The following TSHZ2 variants were observed in gnomAD, a reference collection of about 807,000 sequenced individuals.
TSHZ2 encodes teashirt homolog 2.
Under a neutral mutation model 74.4 loss-of-function variants are expected in TSHZ2, and 21 were observed. The ratio of observed to expected loss-of-function variants is 0.28; its 90% CI spans 0.20 to 0.41. TSHZ2 has a LOEUF of 0.41. Ranked by LOEUF, TSHZ2 falls within the 10% of genes least tolerant of loss-of-function variation. The probability of loss-of-function intolerance (pLI) is 1.00; values close to 1 mark genes in which losing one functional copy is unlikely to be tolerated. For missense variants in TSHZ2, 1,244 were observed against 1,293.5 expected (o/e 0.96, Z 0.59); for synonymous variants, 540 against 515.3 (o/e 1.05, Z -0.65).
chr20:53,359,506 C>T (rs13036261), intron 2 of TSHZ2, among the ~76,000 whole-genome samples: 8,467 of 152,298 alleles, frequency 0.056, 268 homozygotes, highest in Non-Finnish European at 0.065. Context: ...CTGAAACTCA[C>T]ATTTAACTGG....
chr20:53,307,174 G>A (rs751854173), intron 2 of TSHZ2, among the ~76,000 whole-genome samples: 1 of 151,776 alleles, frequency 6.6e-6, no homozygotes, highest in Non-Finnish European at 1.5e-5. Context: ...GGAATGCAAC[G>A]CAATGCCACC....
chr20:52,977,454 ACACACAC>A (rs1387172873), intron 1 of TSHZ2, among the ~76,000 whole-genome samples: 3 of 143,508 alleles, frequency 2.1e-5, no homozygotes, highest in African/African-American at 7.9e-5. Flanking sequence ...ACACACACAC[ACACACAC>A]ACACACACGC....
chr20:53,349,651 C>CAAA (rs559107005), intron 2 of TSHZ2, among the ~76,000 whole-genome samples: 19 of 133,348 alleles, frequency 1.4e-4, no homozygotes, highest in African/African-American at 2.3e-4. Context: ...GACCCCACCT[C>CAAA]AAAAAAAAAA....
chr20:52,999,142 T>C (rs975149627), intron 1 of TSHZ2, among the ~76,000 whole-genome samples: 1 of 150,490 alleles, frequency 6.6e-6, no homozygotes, highest in Non-Finnish European at 1.5e-5. Context: ...CCAAGACCCA[T>C]GAGTCTGAGG....
At chr20:53,220,602 C>G (rs116079003) in intron 1 of TSHZ2, among the ~76,000 whole-genome samples, 1,576 of 152,272 alleles carry the variant, frequency 0.01, 35 homozygotes, top group African/African-American at 0.036. Flanking sequence ...TAAGACAGCA[C>G]AGCTGAGTCG....
At chr20:53,221,228 C>G (rs6063918) in intron 1 of TSHZ2, among the ~76,000 whole-genome samples, 3 of 152,020 alleles carry the variant, frequency 2.0e-5, no homozygotes, top group African/African-American at 7.2e-5. Context: ...AGGCCCCCCC[C>G]GCCATGTAGA....
intron 1 of TSHZ2, among the ~76,000 whole-genome samples, chr20:53,052,982 A>G (rs1327808551): frequency 1.3e-5 from 2 of 152,174 alleles, no homozygotes; most frequent in Non-Finnish European, 2.9e-5. Context: ...TATCTAATTT[A>G]GAACATCTTC....
At position 53,473,021 on chromosome 20, in the gene TSHZ2, C is replaced by G. The variant is rs144894570; in HGVS notation, c.*9-14123C>G. ...GGAGGGTCCTACGCCCACGGAGTCT[C>G]GCTGATTGCTAGCACAGCAGTCTGA... On this transcript the variant is annotated intron_variant, in intron 2 of 2. Coordinates refer to ENST00000371497, the MANE Select transcript of TSHZ2 (RefSeq NM_173485.6). Among the ~76,000 whole-genome samples, 448 of 151,628 alleles carry G rather than the reference C, an allele frequency of 3.0e-3. 5 individuals carry two copies. The East Asian group carries it at 0.041, about 14-fold the overall frequency.
intron 1 of TSHZ2, among the ~76,000 whole-genome samples, chr20:53,204,213 TACTATATCATCATATGATGATATG>T (rs1989092144): frequency 6.8e-6 from 1 of 147,260 alleles, no homozygotes; most frequent in African/African-American, 2.5e-5. Context: ...GATGATATGA[TACTATATCATCATATGATGATATG>T]ATACTATATC....
chr20:53,429,892 C>A (rs555963491), intron 2 of TSHZ2, among the ~76,000 whole-genome samples: 1 of 152,182 alleles, frequency 6.6e-6, no homozygotes, highest in Non-Finnish European at 1.5e-5. Flanking sequence ...TTGAATAATT[C>A]TCTGGGGTGG....
chr20:53,378,376 ATAATAG>A (rs1313659200), intron 2 of TSHZ2, among the ~76,000 whole-genome samples: 4 of 145,758 alleles, frequency 2.7e-5, no homozygotes, highest in African/African-American at 1.0e-4. Context: ...AATAATAATA[ATAATAG>A]AACCTAATGC....
intron 1 of TSHZ2, among the ~76,000 whole-genome samples, chr20:52,975,852 A>G (rs1478977049): frequency 1.3e-5 from 2 of 152,186 alleles, no homozygotes; most frequent in African/African-American, 2.4e-5. Context: ...GTCAGTTAAC[A>G]TCCAGGGAAG....
At chr20:53,084,711 C>G in intron 1 of TSHZ2, among the ~76,000 whole-genome samples, 1 of 128,346 alleles carries the variant, frequency 7.8e-6, no homozygotes, top group East Asian at 2.6e-4. Flanking sequence ...CTCTCCCTCT[C>G]TCCTTCCCTC....
intron 2 of TSHZ2, among the ~76,000 whole-genome samples, chr20:53,274,007 G>A (rs117259369): frequency 6.6e-6 from 1 of 152,280 alleles, no homozygotes; most frequent in Non-Finnish European, 1.5e-5. Context: ...GTGGCCGGGC[G>A]CAGTGACTCA....
chr20:53,188,036 T>C (rs1184961560), intron 1 of TSHZ2, among the ~76,000 whole-genome samples: 2 of 152,174 alleles, frequency 1.3e-5, no homozygotes, highest in Non-Finnish European at 1.5e-5. Context: ...GAACTGAAGG[T>C]ATTCGTGGGT....
At chr20:53,464,529 C>CA (rs1985497732) in intron 2 of TSHZ2, among the ~76,000 whole-genome samples, 1 of 152,162 alleles carries the variant, frequency 6.6e-6, no homozygotes, top group Admixed American at 6.5e-5. Flanking sequence ...GTGGTACAAC[C>CA]ATGGCTCCCT....
intron 1 of TSHZ2, among the ~76,000 whole-genome samples, chr20:53,099,766 G>A (rs1410287412): frequency 1.3e-5 from 2 of 152,174 alleles, no homozygotes; most frequent in Non-Finnish European, 2.9e-5. Flanking sequence ...TACGACAAGA[G>A]TATGGGGGAA....
At chr20:53,201,038 G>T (rs1433946970) in intron 1 of TSHZ2, among the ~76,000 whole-genome samples, 1 of 151,696 alleles carries the variant, frequency 6.6e-6, no homozygotes, top group Admixed American at 6.6e-5. Flanking sequence ...AAGAAAAAAA[G>T]AAATTGAGTC....
At chr20:53,433,443 CTGG>C (rs10554673) in intron 2 of TSHZ2, among the ~76,000 whole-genome samples, 113,245 of 151,558 alleles carry the variant, frequency 0.75, 43,211 homozygotes, top group African/African-American at 0.92. Context: ...AAGGCTGAGG[CTGG>C]TGGAGGATCG....
Sources: allele counts gnomAD v4.1 joint callset (sites outside exome capture counted in the v4.1 genomes callset), GRCh38; gene constraint gnomAD v4.1.1; transcripts MANE v1.5; gene names NCBI Gene and HGNC (gene_info 2026-07-23, HGNC 2026-07-21).